Variants in MDH1 observed in about 807,000 individuals in gnomAD.
MDH1 encodes malate dehydrogenase, cytoplasmic.
A neutral mutation model predicts 38.7 loss-of-function variants in MDH1; 15 were observed. The ratio of observed to expected loss-of-function variants is 0.39; its 90% CI spans 0.26 to 0.60. The LOEUF is 0.60. Ranked by LOEUF, MDH1 falls within the 20% of genes least tolerant of loss-of-function variation. MDH1 has a pLI of 0.56. For missense variants in MDH1, 368 were observed against 405.2 expected (o/e 0.91, Z 0.79); for synonymous variants, 144 against 143.6 (o/e 1.00, Z -0.02).
Position 63,605,269 on chromosome 2 carries a change from C to T in MDH1, c.676-11C>T. ...AAGTAATACTGCTGCCTTCACCTGC[C>T]CCCTTCCCAGACTGTGCAGCAGCGT... On this transcript the variant is annotated splice_polypyrimidine_tract_variant and intron_variant, in intron 6 of 8. Transcript: ENST00000233114. 1 of 1,576,602 alleles carries T rather than the reference C, an allele frequency of 6.3e-7. No individual in the cohort carries two copies. The highest frequency in any genetic ancestry group is 8.7e-7 in the Non-Finnish European group (1 of 1,146,278).
chr2:63,590,327 AGAGTC>A (rs1222063181), intron 1 of MDH1: 9 of 152,296 alleles, frequency 5.9e-5, no homozygotes, highest in African/African-American at 1.7e-4. Flanking sequence ...ATTTGCTCCA[AGAGTC>A]TCACACTCTT....
intron 7 of MDH1, 75 bp from the exon 8 acceptor site, chr2:63,605,864 G>A (rs1289302069): frequency 8.3e-7 from 1 of 1,208,328 alleles, no homozygotes; most frequent in Non-Finnish European, 1.2e-6. Context: ...AGGGTCACCT[G>A]GTTTAATTTT....
chr2:63,591,445 TGTTCATTAG>T (rs1317300998), intron 1 of MDH1, among the ~76,000 whole-genome samples: 1 of 152,258 alleles, frequency 6.6e-6, no homozygotes, highest in Non-Finnish European at 1.5e-5. Context: ...TGGAATTAAC[TGTTCATTAG>T]GTGGCCACAA....
chr2:63,607,119 T>G lies in MDH1; in HGVS notation c.*132T>G. 1.2e-6 allele frequency: 1 copy of G among 848,142 alleles called. No individual in the cohort carries two copies. Among genetic ancestry groups the G allele is most frequent in the Non-Finnish European group, 1.7e-6 (1 of 578,418 alleles). The allele number at this position is 848,142 out of a possible 1,614,324, so 52.5% of individuals were successfully genotyped here. On this transcript the variant is annotated 3_prime_UTR_variant, in exon 9 of 9. Coordinates refer to ENST00000233114, the MANE Select transcript of MDH1 (RefSeq NM_005917.4). ...CAACACATTTTAAAGATTACGTGCT[T>G]CTTGGTACAGGTTTGTGAATGACAG...
intron 1 of MDH1, among the ~76,000 whole-genome samples, chr2:63,592,217 G>A (rs564082493): frequency 8.2e-4 from 125 of 152,190 alleles, no homozygotes; most frequent in Non-Finnish European, 1.4e-3. Flanking sequence ...TTCATCAGTG[G>A]ATTTATAAGG....
At chr2:63,591,215 A>G (rs866017984) in intron 1 of MDH1, among the ~76,000 whole-genome samples, 14 of 152,342 alleles carry the variant, frequency 9.2e-5, no homozygotes, top group Non-Finnish European at 1.6e-4. Flanking sequence ...ATAGTAACCT[A>G]TGTTCACACT....
At chr2:63,603,029 G>A (rs1054768271) in intron 5 of MDH1, among the ~76,000 whole-genome samples, 3 of 126,672 alleles carry the variant, frequency 2.4e-5, no homozygotes, top group East Asian at 2.3e-4. Context: ...GCACGATCTC[G>A]GCTCACTGCA....
At chr2:63,603,689 G>A (rs764047096) in intron 5 of MDH1, among the ~76,000 whole-genome samples, 33 of 122,012 alleles carry the variant, frequency 2.7e-4, no homozygotes, top group African/African-American at 9.7e-4. Context: ...AGACAGTCTC[G>A]CTGCATCGCC....
chr2:63,606,009 C>T lies in MDH1; in HGVS notation c.860C>T (p.Ser287Leu). 6.2e-7 allele frequency: 1 copy of T among 1,614,032 alleles called. No homozygotes were observed. Among genetic ancestry groups the T allele is most frequent in the Non-Finnish European group, 8.5e-7 (1 of 1,179,876 alleles). Reference sequence around the variant, plus strand: ...GGTGTTCCTGATGATCTGCTCTACTCATTCCCTGTTGTAATCAAGGTAAGG... The same window carrying T: ...GGTGTTCCTGATGATCTGCTCTACTTATTCCCTGTTGTAATCAAGGTAAGG... ...SYGVPDDLLY[S>L]FPVVIKNKTW... The change falls in exon 8 of 9, where the codon TCA becomes TTA. Residue 287 changes from serine to leucine, a missense_variant. Coordinates refer to ENST00000233114, the MANE Select transcript of MDH1 (RefSeq NM_005917.4).
chr2:63,602,738 T>C (rs1709448835), intron 5 of MDH1, among the ~76,000 whole-genome samples: 1 of 152,108 alleles, frequency 6.6e-6, no homozygotes, highest in Non-Finnish European at 1.5e-5. Flanking sequence ...TCCACCTCTA[T>C]AATTTTGTCA....
At chr2:63,605,452 A>G (rs761502517) in intron 7 of MDH1, 59 bp downstream of exon 7, 4 of 1,220,438 alleles carry the variant, frequency 3.3e-6, no homozygotes, top group Non-Finnish European at 4.8e-6. Context: ...CTGATGATAT[A>G]ATATAAAAAG....
At chr2:63,598,482 G>A (rs1709359358) in intron 4 of MDH1, among the ~76,000 whole-genome samples, 2 of 152,112 alleles carry the variant, frequency 1.3e-5, no homozygotes, top group Non-Finnish European at 2.9e-5. Flanking sequence ...TTGTCACCCA[G>A]CAAATAGGCT....
At chr2:63,602,640 A>G (rs1021132184) in intron 5 of MDH1, among the ~76,000 whole-genome samples, 1 of 152,164 alleles carries the variant, frequency 6.6e-6, no homozygotes, top group Admixed American at 6.5e-5. Flanking sequence ...GTCAAGGTAC[A>G]GAATTTCTTC....
rs750637827 is a variant in MDH1 at position 63,595,431 on chromosome 2, T to G, written c.111T>G (p.Ile37Met). ...TCCTTGCTATTTGGTAGCCTATAAT[T>G]CTTGTGCTGTTGGATATCACCCCCA... is the stretch of plus-strand genomic sequence containing the variant. ...GSVFGKDQPI[I>M]LVLLDITPMM... The change falls in exon 3 of 9, where the codon ATT becomes ATG. Residue 37 changes from isoleucine (I) to methionine (M), a missense_variant. Coordinates refer to ENST00000233114, the MANE Select transcript of MDH1 (RefSeq NM_005917.4). 2 of 1,605,488 alleles carry G rather than the reference T, an allele frequency of 1.2e-6. No individual in the cohort carries two copies. Among genetic ancestry groups the G allele is most frequent in the Non-Finnish European group, 1.7e-6 (2 of 1,172,278 alleles).
At position 63,597,528 on chromosome 2, in the gene MDH1, A is replaced by C. The variant is rs1709339973; in HGVS notation, c.329A>C (p.Lys110Thr). The change falls in exon 4 of 9, where the codon AAA (lysine) becomes ACA (threonine). Residue 110 changes from lysine to threonine, a missense_variant. By Grantham distance (78) the Lys-to-Thr change is moderately conservative (BLOSUM62 -1). Coordinates refer to ENST00000233114, the MANE Select transcript of MDH1 (RefSeq NM_005917.4). ...CTGAAAGCAAATGTGAAAATCTTCAAATCCCAGGGTGCAGCCTTAGATAAA... is the reference window on the plus strand; with the variant it reads ...CTGAAAGCAAATGTGAAAATCTTCACATCCCAGGGTGCAGCCTTAGATAAA... ...DLLKANVKIF[K>T]SQGAALDKYA... The C allele has an allele frequency of 6.6e-7, 1 of 1,505,398 alleles. No individual in the cohort carries two copies. The highest frequency in any genetic ancestry group is 2.0e-5 in the Admixed American group (1 of 49,188). 93.3% of individuals were successfully genotyped at this position (1,505,398 alleles called of 1,614,324 possible). A position where few individuals can be genotyped will look rare whatever the true frequency, so the allele number is the denominator to read the frequency against.
rs747514607 is a variant in MDH1, at chr2:63,597,581, A to C, written c.375+7A>C. 31 of 1,368,534 alleles carry C rather than the reference A, an allele frequency of 2.3e-5. No individual in the cohort carries two copies. Among genetic ancestry groups the C allele is most frequent in the Non-Finnish European group, 2.8e-5 (29 of 1,049,058 alleles). 84.8% of individuals were successfully genotyped at this position (1,368,534 alleles called of 1,614,324 possible). Reference sequence around the variant, plus strand: ...CGCCAAGAAGTCAGTTAAGGTGACCAATGCTGTATTTTATGGGATTTTTCA... The same window carrying C: ...CGCCAAGAAGTCAGTTAAGGTGACCCATGCTGTATTTTATGGGATTTTTCA... On this transcript the variant is annotated splice_region_variant and intron_variant, in intron 4 of 8. Transcript: ENST00000233114.
chr2:63,597,713 G>A (rs566862458), intron 4 of MDH1, 139 bp downstream of exon 4: 2 of 665,014 alleles, frequency 3.0e-6, no homozygotes, highest in African/African-American at 3.8e-5. Flanking sequence ...CTAGAGTTTT[G>A]CTTGATAAGC....
intron 7 of MDH1, 109 bp from the exon 8 acceptor site, chr2:63,605,830 A>G: frequency 3.4e-6 from 3 of 871,316 alleles, no homozygotes; most frequent in South Asian, 1.4e-5. Flanking sequence ...TTACACAGTA[A>G]TGATGTTATG....
intron 7 of MDH1, among the ~76,000 whole-genome samples, 160 bp downstream of exon 7, chr2:63,605,553 T>G (rs1464855424): frequency 6.6e-6 from 1 of 152,264 alleles, no homozygotes; most frequent in Non-Finnish European, 1.5e-5. Context: ...AGCCTTGACC[T>G]TTCTGAGCTG....
Sources: gnomAD v4.1 joint callset for allele counts (sites outside exome capture counted in the v4.1 genomes callset) on GRCh38, gnomAD v4.1.1 for gene constraint, MANE v1.5 for transcripts, NCBI Gene and HGNC (gene_info 2026-07-23, HGNC 2026-07-21) for gene names.